Variants in TDRD3 observed in about 807,000 individuals in gnomAD.
The protein encoded by TDRD3 is tudor domain-containing protein 3.
TDRD3 carries 45 observed loss-of-function variants against 86.7 expected under a neutral mutation model. The observed-to-expected ratio is 0.52, with a 90% CI of 0.41 to 0.67. The LOEUF (loss-of-function observed/expected upper bound fraction) is 0.67. Ranked by LOEUF, TDRD3 falls within the 30% of genes least tolerant of loss-of-function variation. The probability of loss-of-function intolerance (pLI) is 0.00; values close to 1 mark genes in which losing one functional copy is unlikely to be tolerated. For synonymous variants in TDRD3, 298 were observed against 301.7 expected (o/e 0.99, Z 0.13); for missense variants, 814 against 889.0 (o/e 0.92, Z 1.07).
chr13:60,557,731 C>T (rs1256688796), intron 12 of TDRD3, among the ~76,000 whole-genome samples: 3 of 151,228 alleles, frequency 2.0e-5, no homozygotes, highest in Non-Finnish European at 2.9e-5. Flanking sequence ...ATAATTATCT[C>T]TCCTACCACT....
intron 1 of TDRD3, among the ~76,000 whole-genome samples, chr13:60,420,553 GTAT>G (rs1252839955): frequency 1.2e-4 from 18 of 152,054 alleles, no homozygotes; most frequent in African/African-American, 3.9e-4. Context: ...AAGAAGCATG[GTAT>G]TATTTTTATT....
chr13:60,463,259 G>A (rs989223234), intron 4 of TDRD3, among the ~76,000 whole-genome samples: 20 of 151,638 alleles, frequency 1.3e-4, no homozygotes, highest in African/African-American at 2.2e-4. Context: ...ATACTTGGGA[G>A]GCTGAAGCAG....
At chr13:60,489,076 A>G (rs1408389930) in intron 7 of TDRD3, among the ~76,000 whole-genome samples, 1 of 151,958 alleles carries the variant, frequency 6.6e-6, no homozygotes, top group Non-Finnish European at 1.5e-5. Flanking sequence ...TCGTTTGTCT[A>G]TTTTTACTTG....
chr13:60,428,223 C>T (rs1954859242), intron 1 of TDRD3, among the ~76,000 whole-genome samples: 2 of 149,824 alleles, frequency 1.3e-5, no homozygotes, highest in Non-Finnish European at 3.0e-5. Flanking sequence ...TAGGACCTGC[C>T]TGGATTATCT....
intron 3 of TDRD3, among the ~76,000 whole-genome samples, chr13:60,456,562 T>G (rs1955675620): frequency 6.6e-6 from 1 of 152,212 alleles, no homozygotes. Context: ...TAAAGAAGAC[T>G]TGGGTGATCA....
At chr13:60,494,885 A>G (rs1340524726) in intron 8 of TDRD3, among the ~76,000 whole-genome samples, 1 of 152,142 alleles carries the variant, frequency 6.6e-6, no homozygotes, top group Non-Finnish European at 1.5e-5. Context: ...CACCTTCCCC[A>G]CATCTTTTGT....
At chr13:60,564,840 T>TAA (rs1329931056) in intron 12 of TDRD3, among the ~76,000 whole-genome samples, 3 of 152,196 alleles carry the variant, frequency 2.0e-5, no homozygotes, top group African/African-American at 7.2e-5. Flanking sequence ...TAAACTGATC[T>TAA]ATTAAATCAA....
chr13:60,413,734 A>G (rs1047855452), intron 1 of TDRD3, among the ~76,000 whole-genome samples: 2 of 152,120 alleles, frequency 1.3e-5, no homozygotes, highest in Admixed American at 6.6e-5. Flanking sequence ...ACTCTATTTT[A>G]GATTACCTTA....
chr13:60,444,734 G>T lies in TDRD3; in HGVS notation c.178G>T (p.Gly60Ter). The change falls in exon 3 of 14, where the codon GGA (glycine) becomes TGA (stop). Residue 60 changes from glycine (G) to a stop codon, truncating the protein, a stop_gained. Transcript: ENST00000377881. LOFTEE classifies it high-confidence loss of function. ...KKFLPSDINS[G>*]KVEKLEGPCV... is the part of the protein sequence containing the mutation. ...ATTCCTCCCCAGTGACATCAATAGT[G>T]GAAAGGTAGAAAAGGTAAAGAAAAT... is the stretch of plus-strand genomic sequence containing the variant. 1 of 1,484,408 alleles carries T rather than the reference G, an allele frequency of 6.7e-7. No individual in the cohort carries two copies. The highest frequency in any genetic ancestry group is 1.4e-5 in the African/African-American group (1 of 70,698). The allele number at this position is 1,484,408 out of a possible 1,614,324, so 92.0% of individuals were successfully genotyped here.
chr13:60,419,330 T>C (rs572811246), intron 1 of TDRD3, among the ~76,000 whole-genome samples: 1 of 152,360 alleles, frequency 6.6e-6, no homozygotes, highest in East Asian at 1.9e-4. Flanking sequence ...AATGTGACTA[T>C]TAGCTCTTCA....
intron 1 of TDRD3, among the ~76,000 whole-genome samples, chr13:60,438,106 C>T (rs973723540): frequency 1.3e-5 from 2 of 152,132 alleles, no homozygotes; most frequent in African/African-American, 4.8e-5. Context: ...TAGTTTTCAT[C>T]ATTTTACTAA....
At chr13:60,551,701 C>T (rs533052547) in intron 12 of TDRD3, among the ~76,000 whole-genome samples, 1 of 152,254 alleles carries the variant, frequency 6.6e-6, no homozygotes, top group African/African-American at 2.4e-5. Context: ...AAGATACTAC[C>T]TGAGACTGCG....
chr13:60,463,693 A>G (rs1435439477), intron 4 of TDRD3, among the ~76,000 whole-genome samples: 1 of 152,200 alleles, frequency 6.6e-6, no homozygotes, highest in Non-Finnish European at 1.5e-5. Flanking sequence ...CCAATTAAAA[A>G]TTGATAAAAG....
At chr13:60,505,380 G>A (rs1199032466) in intron 8 of TDRD3, among the ~76,000 whole-genome samples, 2 of 152,208 alleles carry the variant, frequency 1.3e-5, no homozygotes, top group African/African-American at 4.8e-5. Context: ...TAGCCAGACT[G>A]CGTCTCTGGA....
At chr13:60,559,583 G>T (rs918765018) in intron 12 of TDRD3, among the ~76,000 whole-genome samples, 4 of 152,128 alleles carry the variant, frequency 2.6e-5, no homozygotes, top group African/African-American at 7.2e-5. Context: ...CATCCGTTTA[G>T]TTAAAATTAA....
chr13:60,510,587 T>C (rs777696179), intron 9 of TDRD3, 43 bp from the exon 10 acceptor site: 1 of 1,476,202 alleles, frequency 6.8e-7, no homozygotes, highest in South Asian at 1.5e-5. Context: ...TCTCTTTTTG[T>C]TTTTGCATAT....
chr13:60,540,352 A>G (rs1286297589), intron 12 of TDRD3, among the ~76,000 whole-genome samples: 1 of 152,168 alleles, frequency 6.6e-6, no homozygotes, highest in African/African-American at 2.4e-5. Context: ...TTCTTTTAGT[A>G]AAGTTTGGTT....
chr13:60,504,793 C>CAGGA, intron 8 of TDRD3, among the ~76,000 whole-genome samples: 1 of 152,226 alleles, frequency 6.6e-6, no homozygotes, highest in South Asian at 2.1e-4. Flanking sequence ...GGAGGGCGAG[C>CAGGA]AGAAGCAGAG....
intron 1 of TDRD3, among the ~76,000 whole-genome samples, chr13:60,438,456 G>GTCA (rs1429912736): frequency 6.6e-6 from 1 of 152,048 alleles, no homozygotes; most frequent in Admixed American, 6.6e-5. Context: ...GTTTAACAGT[G>GTCA]TCATGGTCTT....
Sources: allele counts gnomAD v4.1 joint callset (sites outside exome capture counted in the v4.1 genomes callset), GRCh38; gene constraint gnomAD v4.1.1; transcripts MANE v1.5; gene names NCBI Gene and HGNC (gene_info 2026-07-23, HGNC 2026-07-21).